Variants in SLC16A5 observed in about 807,000 individuals in gnomAD.
The protein encoded by SLC16A5 is monocarboxylate transporter 6.
In SLC16A5, 29 loss-of-function variants were observed where a neutral mutation model predicts 33.2. The observed-to-expected ratio is 0.87, with a 90% confidence interval of 0.65 to 1.19. SLC16A5 has a LOEUF of 1.19. Among genes scored for constraint, SLC16A5 ranks in the 50% most tolerant of loss-of-function variants. The pLI, the probability that SLC16A5 is intolerant of heterozygous loss-of-function variation, is 0.00. For missense variants in SLC16A5, 606 were observed against 678.2 expected, an observed-to-expected ratio of 0.89 and a Z score of 1.18; for synonymous variants, 248 against 284.1, an observed-to-expected ratio of 0.87 and a Z score of 1.28.
At chr17:75,094,259 A>AT (rs770268388) in intron 3 of SLC16A5, among the ~76,000 whole-genome samples, 9 of 152,170 alleles carry the variant, frequency 5.9e-5, no homozygotes, top group Non-Finnish European at 1.3e-4. Flanking sequence ...CCCACATGGA[A>AT]TAGCAGGGAA....
chr17:75,097,733 A>G lies in SLC16A5; in HGVS notation c.200-305A>G, dbSNP rs1320983572. On this transcript the variant is annotated intron_variant, in intron 3 of 6. Coordinates refer to ENST00000329783, the MANE Select transcript of SLC16A5 (RefSeq NM_004695.4). Reference sequence around the variant, plus strand: ...ACCAATCCTGTTTCACCCGGATAGAATGAGCAGCCTCAGGTCTGTGTAGTT... The same window carrying G: ...ACCAATCCTGTTTCACCCGGATAGAGTGAGCAGCCTCAGGTCTGTGTAGTT... Among the ~76,000 whole-genome samples the G allele has an allele frequency of 2.6e-5, 4 of 152,202 alleles. No individual in the cohort carries two copies. In the South Asian group the frequency reaches 6.2e-4, roughly 24 times the overall value.
intron 3 of SLC16A5, among the ~76,000 whole-genome samples, chr17:75,096,640 C>T (rs1228858937): frequency 1.3e-5 from 2 of 151,464 alleles, no homozygotes; most frequent in Non-Finnish European, 2.9e-5. Flanking sequence ...AAGCGATTCT[C>T]CTGCCTCAGC....
intron 5 of SLC16A5, among the ~76,000 whole-genome samples, chr17:75,103,355 A>T (rs1446260845): frequency 1.5e-5 from 2 of 130,376 alleles, no homozygotes. Context: ...TTTTTAATGG[A>T]GTCTCACTCT....
Position 75,106,151 on chromosome 17 carries a change from T to TA in SLC16A5, c.*124dup. On this transcript the variant is annotated 3_prime_UTR_variant, in exon 7 of 7. Transcript: ENST00000329783. ...AGAGCAAAATAATAAAATTTAATTT[T>TA]AAAAAAGAAAACGTAGGAGGTTGGT... 1.9e-6 allele frequency: 1 copy of TA among 524,078 alleles called. No individual in the cohort carries two copies. Among genetic ancestry groups the TA allele is most frequent in the Non-Finnish European group, 3.3e-6 (1 of 300,132 alleles). 32.5% of individuals were successfully genotyped at this position (524,078 alleles called of 1,614,324 possible).
At chr17:75,107,427 G>C (rs1216793999), downstream of SLC16A5, among the ~76,000 whole-genome samples, 1 of 152,214 alleles carries the variant, frequency 6.6e-6, no homozygotes, top group Non-Finnish European at 1.5e-5. Context: ...AGTATCTACT[G>C]TGTGCCAGAG....
Position 75,106,011 on chromosome 17 carries a change from T to A in SLC16A5, c.1496T>A (p.Leu499Gln), listed in dbSNP as rs2073859187. The change falls in exon 7 of 7, where the codon CTG becomes CAG. Residue 499 changes from leucine to glutamine, a missense_variant. Coordinates refer to ENST00000329783, the MANE Select transcript of SLC16A5 (RefSeq NM_004695.4). ...KAVLQAKQTA[L>Q]GWNSPT ...GTACTGCAGGCCAAGCAAACGGCTC[T>A]GGGCTGGAATAGCCCTACCTGAGTG... 9 of 1,585,844 alleles carry A rather than the reference T, an allele frequency of 5.7e-6. No individual in the cohort carries two copies. Among genetic ancestry groups the A allele is most frequent in the Non-Finnish European group, 7.7e-6 (9 of 1,161,830 alleles).
chr17:75,097,840 A>T (rs1568006376), intron 3 of SLC16A5, among the ~76,000 whole-genome samples, 198 bp from the exon 4 acceptor site: 1 of 152,058 alleles, frequency 6.6e-6, no homozygotes, highest in Non-Finnish European at 1.5e-5. Context: ...TAGGGGAAAA[A>T]ATTGAGGCAC....
intron 3 of SLC16A5, among the ~76,000 whole-genome samples, chr17:75,096,904 C>A (rs1433356028): frequency 7.5e-6 from 1 of 132,928 alleles, no homozygotes; most frequent in Admixed American, 8.4e-5. Context: ...TGGAGCGCAT[C>A]GGGTTCTGCC....
chr17:75,104,692 T>C (rs2073842066), intron 6 of SLC16A5: 2 of 851,638 alleles, frequency 2.3e-6, no homozygotes, highest in Admixed American at 6.2e-5. Context: ...TCAGGTGATC[T>C]GCCCACCTCA....
downstream of SLC16A5, chr17:75,109,929 C>T (rs1568012500): frequency 4.2e-6 from 1 of 235,322 alleles, no homozygotes; most frequent in Non-Finnish European, 8.4e-6. The surrounding 1 kb of genome is among the most constrained non-coding windows in gnomAD (Gnocchi z 5.0). Flanking sequence ...CGGCCCCGCC[C>T]CTTCGGGGGT....
At chr17:75,093,101 T>C (rs1301983079) in intron 2 of SLC16A5, among the ~76,000 whole-genome samples, 2 of 152,006 alleles carry the variant, frequency 1.3e-5, no homozygotes, top group Admixed American at 6.6e-5. Context: ...AATAGTAACT[T>C]TGCTGCTTCT....
At chr17:75,098,255 A>T in intron 4 of SLC16A5, 74 bp downstream of exon 4, 1 of 1,581,972 alleles carries the variant, frequency 6.3e-7, no homozygotes, top group Non-Finnish European at 8.6e-7. Flanking sequence ...CAGGGCAGGC[A>T]GGCCTCTTAA....
intron 3 of SLC16A5, among the ~76,000 whole-genome samples, chr17:75,096,583 TG>T (rs2073721333): frequency 6.7e-6 from 1 of 148,974 alleles, no homozygotes; most frequent in Non-Finnish European, 1.5e-5. Context: ...CAGGCTGGAG[TG>T]TAGTGGCACA....
intron 5 of SLC16A5, among the ~76,000 whole-genome samples, chr17:75,101,332 G>C (rs1020208997): frequency 6.6e-6 from 1 of 150,728 alleles, no homozygotes; most frequent in African/African-American, 2.4e-5. Context: ...AGGCTGAGGC[G>C]GGTGGATCAC....
chr17:75,100,574 G>A lies in SLC16A5; in HGVS notation c.911G>A (p.Arg304His), dbSNP rs142646577. ...GGACGGCCGGCCTTTGCTAGCCACC[G>A]CAAGTACCTGTTCAGCCTGGCACTC... ...MAGRPAFASH[R>H]KYLFSLALLL... is the part of the protein sequence containing the mutation. The change falls in exon 5 of 7, where the codon CGC becomes CAC. Residue 304 changes from arginine (R) to histidine (H), a missense_variant. Arg to His is a conservative substitution (Grantham distance 29). Coordinates refer to ENST00000329783, the MANE Select transcript of SLC16A5 (RefSeq NM_004695.4). The A allele has an allele frequency of 2.0e-5, 33 of 1,614,074 alleles. No individual in the cohort carries two copies. The highest frequency in any genetic ancestry group is 2.7e-5 in the African/African-American group (2 of 74,922).
At chr17:75,093,402 T>C (rs1213240822) in intron 2 of SLC16A5, 187 bp from the exon 3 acceptor site, 25 of 1,535,454 alleles carry the variant, frequency 1.6e-5, no homozygotes, top group Non-Finnish European at 2.1e-5. Flanking sequence ...CTCTGGGAAG[T>C]GGGTGAAAGG....
At chr17:75,098,430 G>T (rs1025841045) in intron 4 of SLC16A5, among the ~76,000 whole-genome samples, 1 of 152,082 alleles carries the variant, frequency 6.6e-6, no homozygotes, top group Non-Finnish European at 1.5e-5. Flanking sequence ...GCCAGGCTTG[G>T]TGGCGGGCCC....
At chr17:75,109,228 C>A (rs1013778288), downstream of SLC16A5, among the ~76,000 whole-genome samples, 3 of 152,186 alleles carry the variant, frequency 2.0e-5, no homozygotes, top group African/African-American at 7.2e-5. The surrounding 1 kb of genome is among the most constrained non-coding windows in gnomAD (Gnocchi z 5.0). Flanking sequence ...TCCTCGGGCT[C>A]CCCCGTGCTG....
In SLC16A5 at chr17:75,097,689, G is replaced by C. The variant is rs201628394; in HGVS notation, c.200-349G>C. On this transcript the variant is annotated intron_variant, in intron 3 of 6. Transcript: ENST00000329783. ...CCCACCAACAGACCCCCAGCGAAGT[G>C]GGGGAGGTAAACTCATGAACCAATC... is the stretch of plus-strand genomic sequence containing the variant. 4.6e-5 allele frequency among the ~76,000 whole-genome samples: 7 copies of C among 152,288 alleles called. No homozygotes were observed. In the East Asian group the frequency reaches 1.2e-3, roughly 25 times the overall value.
Sources: gnomAD v4.1 joint callset for allele counts (sites outside exome capture counted in the v4.1 genomes callset) on GRCh38, gnomAD v4.1.1 for gene constraint, Gnocchi (gnomAD v3.1) non-coding constraint, MANE v1.5 for transcripts, NCBI Gene and HGNC (gene_info 2026-07-23, HGNC 2026-07-21) for gene names.